PIR: variants seen among roughly 807,000 people sequenced by gnomAD.
PIR encodes the protein pirin.
In PIR, 22 loss-of-function variants were observed where a neutral mutation model predicts 24.2. The ratio of observed to expected loss-of-function variants is 0.91; its 90% CI spans 0.65 to 1.30. The LOEUF (loss-of-function observed/expected upper bound fraction) is 1.30. PIR is among the 50% of genes most tolerant of loss of function. The pLI, the probability that PIR is intolerant of heterozygous loss-of-function variation, is 0.00. For missense variants in PIR, 220 were observed against 220.3 expected (o/e 1.00, Z 0.01); for synonymous variants, 80 against 79.6 (o/e 1.00, Z -0.03).
chrX:15,421,658 TAAA>T (rs60869715), intron 6 of PIR, among the ~76,000 whole-genome samples: 5 of 93,149 alleles, frequency 5.4e-5, no homozygotes, highest in African/African-American at 1.5e-4. Context: ...AAGTCTCCCA[TAAA>T]AAAAAAAAAA....
At chrX:15,447,087 A>G (rs1926128892) in intron 5 of PIR, among the ~76,000 whole-genome samples, 1 of 112,098 alleles carries the variant, frequency 8.9e-6, no homozygotes, top group Non-Finnish European at 1.9e-5. Flanking sequence ...ATTGAGATAT[A>G]ATTTACATAC....
At chrX:15,425,752 T>C (rs1243374364) in intron 6 of PIR, among the ~76,000 whole-genome samples, 154 bp downstream of exon 6, 2 of 112,394 alleles carry the variant, frequency 1.8e-5, no homozygotes, top group African/African-American at 3.2e-5. Context: ...GCAGTATTTG[T>C]CAATTTAAAC....
chrX:15,441,884 C>A (rs1284063989), intron 5 of PIR, among the ~76,000 whole-genome samples: 1 of 111,309 alleles, frequency 9.0e-6, no homozygotes, highest in Non-Finnish European at 1.9e-5. Context: ...AGAAGCCCAA[C>A]AGGTCTCAGA....
At chrX:15,467,841 C>CA (rs762576775) in intron 3 of PIR, among the ~76,000 whole-genome samples, 1 of 111,701 alleles carries the variant, frequency 9.0e-6, no homozygotes, top group African/African-American at 3.3e-5. Flanking sequence ...AGCTGAATTA[C>CA]AAACTCCCTC....
intron 8 of PIR, among the ~76,000 whole-genome samples, chrX:15,396,992 G>A (rs924799463): frequency 8.9e-6 from 1 of 111,938 alleles, no homozygotes; most frequent in Non-Finnish European, 1.9e-5. Context: ...CGCCCGCCTC[G>A]GCCTCCCAAA....
intron 5 of PIR, among the ~76,000 whole-genome samples, chrX:15,447,053 A>G (rs1926128333): frequency 8.9e-6 from 1 of 112,448 alleles, no homozygotes; most frequent in African/African-American, 3.2e-5. Flanking sequence ...CCACAGGAGT[A>G]GAATTCCTTT....
rs921023775 is a variant in PIR at position 15,483,809 on chromosome X, A to G, written c.97-3988T>C. Reference sequence around the variant, plus strand: ...GTGCCCAAAGCACTGTAGGTTCTACATAGATGGGTGGTATCTATTATACTG... The same window carrying G: ...GTGCCCAAAGCACTGTAGGTTCTACGTAGATGGGTGGTATCTATTATACTG... On this transcript the variant is annotated intron_variant, in intron 2 of 9. Coordinates refer to ENST00000380420, the MANE Select transcript of PIR (RefSeq NM_001018109.3). Among the ~76,000 whole-genome samples, 9 of 112,554 alleles carry G rather than the reference A, an allele frequency of 8.0e-5. No individual in the cohort carries two copies. The Admixed American group carries it at 8.5e-4, about 11-fold the overall frequency.
chrX:15,420,493 A>G (rs1925094372), intron 6 of PIR, among the ~76,000 whole-genome samples: 1 of 111,710 alleles, frequency 9.0e-6, no homozygotes, highest in African/African-American at 3.3e-5. Flanking sequence ...CTAAGCATGC[A>G]TAGATCTGGT....
chrX:15,415,405 A>C (rs189876166), intron 6 of PIR, among the ~76,000 whole-genome samples: 1 of 111,829 alleles, frequency 8.9e-6, no homozygotes, highest in East Asian at 2.8e-4. Flanking sequence ...TAAAATGTTC[A>C]TGGCATTCTC....
rs1443987100 is a variant in PIR, at chrX:15,397,444, C to T, written c.693+5G>A. On this transcript the variant is annotated splice_donor_5th_base_variant and intron_variant, in intron 8 of 9. Coordinates refer to ENST00000380420, the MANE Select transcript of PIR (RefSeq NM_001018109.3). ...AAGAAAGTTAAAGGAAAATAACATA[C>T]TTACCTTGTTCTCCACCTGGACACT... 5 of 1,149,317 alleles carry T rather than the reference C, an allele frequency of 4.4e-6. No individual in the cohort carries two copies. The highest frequency in any genetic ancestry group is 3.6e-6 in the Non-Finnish European group (3 of 838,245). 94.7% of individuals were successfully genotyped at this position (1,149,317 alleles called of 1,213,427 possible). A position where few individuals can be genotyped will look rare whatever the true frequency, so the allele number is the denominator to read the frequency against.
chrX:15,415,124 G>A (rs1383348984), intron 6 of PIR, among the ~76,000 whole-genome samples: 6 of 111,432 alleles, frequency 5.4e-5, no homozygotes, highest in Non-Finnish European at 1.1e-4. Flanking sequence ...GGACAAGATG[G>A]CAGTTAAGAG....
intron 5 of PIR, among the ~76,000 whole-genome samples, chrX:15,441,679 G>A (rs1478148249): frequency 9.0e-6 from 1 of 111,637 alleles, no homozygotes. Flanking sequence ...GAGGATGAGG[G>A]GGAGGCAGGA....
intron 5 of PIR, among the ~76,000 whole-genome samples, chrX:15,435,879 A>C (rs996029241): frequency 1.8e-5 from 2 of 112,768 alleles, no homozygotes; most frequent in African/African-American, 6.4e-5. Flanking sequence ...GCTCTTCAAC[A>C]AAATGATGTC....
At chrX:15,437,897 C>T (rs771785020) in intron 5 of PIR, among the ~76,000 whole-genome samples, 1 of 112,513 alleles carries the variant, frequency 8.9e-6, no homozygotes, top group Admixed American at 9.4e-5. Context: ...CCTTGTGCCA[C>T]TGTCTCTGGA....
chrX:15,479,632 T>C (rs2147081105), intron 3 of PIR, 97 bp downstream of exon 3: 1 of 377,230 alleles, frequency 2.7e-6, no homozygotes, highest in East Asian at 4.4e-5. Context: ...AATGAATTTT[T>C]AGCCTATTAT....
At chrX:15,488,376 G>C (rs56375226) in intron 2 of PIR, among the ~76,000 whole-genome samples, 6,837 of 109,310 alleles carry the variant, frequency 0.063, 514 homozygotes, top group African/African-American at 0.21. Context: ...CTGCTGATGG[G>C]AGGGTTAGGG....
chrX:15,405,304 CACATGAAAAA>C (rs1324234626), intron 7 of PIR, among the ~76,000 whole-genome samples: 1 of 112,083 alleles, frequency 8.9e-6, no homozygotes, highest in African/African-American at 3.2e-5. Context: ...CCTTTCATGA[CACATGAAAAA>C]ACATGAAATT....
chrX:15,466,936 C>T (rs1396767525), intron 3 of PIR, among the ~76,000 whole-genome samples: 2 of 112,256 alleles, frequency 1.8e-5, no homozygotes, highest in Non-Finnish European at 3.8e-5. Context: ...GCTTTTTCAC[C>T]ATGGGACACT....
intron 5 of PIR, among the ~76,000 whole-genome samples, chrX:15,427,131 G>T (rs1034146162): frequency 9.0e-6 from 1 of 111,453 alleles, no homozygotes; most frequent in African/African-American, 3.3e-5. Flanking sequence ...ATCATACACC[G>T]TATGATTCCA....
Sources: allele counts gnomAD v4.1 joint callset (sites outside exome capture counted in the v4.1 genomes callset), GRCh38; gene constraint gnomAD v4.1.1; transcripts MANE v1.5; gene names NCBI Gene and HGNC (gene_info 2026-07-23, HGNC 2026-07-21).